COL6A5: variants seen among roughly 807,000 people sequenced by gnomAD.
COL6A5 encodes the protein collagen alpha-5(VI) chain.
A neutral mutation model predicts 65.6 loss-of-function variants in COL6A5; 48 were observed. The ratio of observed to expected loss-of-function variants is 0.73; its 90% CI spans 0.58 to 0.93. The LOEUF is 0.93. COL6A5 is among the 40% of genes least tolerant of loss of function. The pLI is 0.00. For missense variants in COL6A5, 914 were observed against 928.3 expected, an observed-to-expected ratio of 0.98 and a Z score of 0.20; for synonymous variants, 291 against 322.8, an observed-to-expected ratio of 0.90 and a Z score of 1.05.
intron 1 of COL6A5, among the ~76,000 whole-genome samples, chr3:130,366,684 T>C (rs1208718386): frequency 6.6e-6 from 1 of 152,252 alleles, no homozygotes; most frequent in Non-Finnish European, 1.5e-5. Flanking sequence ...TAAATTATAC[T>C]CTGAAGTGCT....
At chr3:130,360,299 T>G (rs1297261985) in intron 1 of COL6A5, among the ~76,000 whole-genome samples, 2 of 152,078 alleles carry the variant, frequency 1.3e-5, no homozygotes, top group Non-Finnish European at 2.9e-5. Context: ...TTTTAATAAT[T>G]TTGCTATTAA....
At chr3:130,356,725 A>G (rs1934937458) in intron 1 of COL6A5, among the ~76,000 whole-genome samples, 1 of 152,190 alleles carries the variant, frequency 6.6e-6, no homozygotes, top group Admixed American at 6.5e-5. Context: ...ATCAAAATGG[A>G]AAATCTCTTG....
chr3:130,415,872 G>A (rs923797777), intron 23 of COL6A5, among the ~76,000 whole-genome samples, 165 bp downstream of exon 23: 2 of 152,158 alleles, frequency 1.3e-5, no homozygotes, highest in African/African-American at 4.8e-5. Flanking sequence ...CTCATACGTA[G>A]CTAAAGCACT....
intron 1 of COL6A5, among the ~76,000 whole-genome samples, chr3:130,361,983 TC>T (rs1559857626): frequency 6.6e-6 from 1 of 152,022 alleles, no homozygotes; most frequent in African/African-American, 2.4e-5. Context: ...TTGCAAACCT[TC>T]CCCTGCCTAC....
intron 2 of COL6A5, among the ~76,000 whole-genome samples, chr3:130,373,989 T>G (rs1935665049): frequency 6.6e-6 from 1 of 152,206 alleles, no homozygotes; most frequent in Non-Finnish European, 1.5e-5. Context: ...CATTTGTTTA[T>G]AGATCCATTT....
At chr3:130,387,488 A>T (rs1469563424) in intron 5 of COL6A5, among the ~76,000 whole-genome samples, 1 of 152,070 alleles carries the variant, frequency 6.6e-6, no homozygotes, top group African/African-American at 2.4e-5. Context: ...GGTCAAGGCC[A>T]CTCTGTCAAG....
chr3:130,440,483 T>C (rs1559905018), exon 3 of COL6A5: 2 of 1,613,738 alleles, frequency 1.2e-6, no homozygotes, highest in Non-Finnish European at 1.7e-6. Flanking sequence ...CCAGACTTCC[T>C]TCCAACAGCT....
At chr3:130,445,884 G>A (rs975600260) in intron 4 of COL6A5, among the ~76,000 whole-genome samples, 1 of 152,104 alleles carries the variant, frequency 6.6e-6, no homozygotes, top group Non-Finnish European at 1.5e-5. Flanking sequence ...TAATATTACT[G>A]CATGTGAGTT....
exon 8 of COL6A5, chr3:130,484,061 G>T: frequency 6.2e-7 from 1 of 1,606,696 alleles, no homozygotes; most frequent in South Asian, 1.1e-5. Flanking sequence ...GTCATCATAG[G>T]AGAAAAGAAG....
chr3:130,455,672 A>G lies in COL6A5; in HGVS notation c.1544+6A>G. On this transcript the variant is annotated splice_donor_region_variant and intron_variant, in intron 5 of 7. Coordinates refer to ENST00000512836, the Ensembl canonical transcript of COL6A5. ...AATTGCAAGTCTCACTTCTGGTAAGAAAATGAAAAGTCATGATGGAAATGT... is the reference window on the plus strand; with the variant it reads ...AATTGCAAGTCTCACTTCTGGTAAGGAAATGAAAAGTCATGATGGAAATGT... The G allele has an allele frequency of 1.9e-6, 3 of 1,595,054 alleles. No individual in the cohort carries two copies. The highest frequency in any genetic ancestry group is 2.6e-6 in the Non-Finnish European group (3 of 1,163,772).
intron 7 of COL6A5, chr3:130,477,061 T>C (rs549762306): frequency 6.6e-7 from 1 of 1,510,424 alleles, no homozygotes; most frequent in Non-Finnish European, 8.9e-7. Flanking sequence ...GCTACAGACA[T>C]CTGAAGCATC....
intron 10 of COL6A5, among the ~76,000 whole-genome samples, chr3:130,400,024 A>AGT (rs1936763351): frequency 6.6e-6 from 1 of 152,020 alleles, no homozygotes; most frequent in Non-Finnish European, 1.5e-5. Flanking sequence ...CGGCCTCCCA[A>AGT]AGTGCTGGGA....
intron 1 of COL6A5, among the ~76,000 whole-genome samples, chr3:130,350,042 G>A (rs1445134041): frequency 1.3e-5 from 2 of 152,148 alleles, no homozygotes; most frequent in Non-Finnish European, 2.9e-5. Context: ...TTTCCTGCTG[G>A]GTAATCCATC....
At chr3:130,350,759 C>T (rs1396209894) in intron 1 of COL6A5, among the ~76,000 whole-genome samples, 4 of 152,080 alleles carry the variant, frequency 2.6e-5, no homozygotes, top group Non-Finnish European at 4.4e-5. Flanking sequence ...AGATTCTATG[C>T]CATCCCCATC....
At chr3:130,440,311 C>T in exon 3 of COL6A5, 3 of 1,613,324 alleles carry the variant, frequency 1.9e-6, no homozygotes, top group Non-Finnish European at 1.7e-6. Flanking sequence ...CAGTGATTGA[C>T]AACTTCAACA....
intron 7 of COL6A5, among the ~76,000 whole-genome samples, chr3:130,475,774 G>A (rs1710077197): frequency 6.6e-6 from 1 of 152,102 alleles, no homozygotes; most frequent in Non-Finnish European, 1.5e-5. Flanking sequence ...AAAGTGGTGA[G>A]CACCAGACAC....
chr3:130,479,029 AT>A, intron 7 of COL6A5, among the ~76,000 whole-genome samples: 1 of 152,156 alleles, frequency 6.6e-6, no homozygotes, highest in South Asian at 2.1e-4. Flanking sequence ...ATATTGATGA[AT>A]AATGCTATGG....
In COL6A5 at chr3:130,409,309, C is replaced by T. The variant is rs1272488423; in HGVS notation, c.4480-17C>T. The T allele has an allele frequency of 5.2e-6, 8 of 1,533,448 alleles. No homozygotes were observed. Among genetic ancestry groups the T allele is most frequent in the East Asian group, 2.5e-5 (1 of 40,650 alleles). The allele number at this position is 1,533,448 out of a possible 1,614,324, so 95.0% of individuals were successfully genotyped here. ...CCTCCTACAAGCTAACTCAGAAATT[C>T]ATTTCATTTTTTTCAGGGCAGCCCA... On this transcript the variant is annotated splice_polypyrimidine_tract_variant and intron_variant and NMD_transcript_variant, in intron 17 of 41. Transcript: ENST00000312481.
At chr3:130,436,224 A>G (rs1709031624) in intron 1 of COL6A5, among the ~76,000 whole-genome samples, 1 of 151,010 alleles carries the variant, frequency 6.6e-6, no homozygotes, top group Admixed American at 6.6e-5. Context: ...CCCCTATTTT[A>G]TTACTTTTAA....
Sources: gnomAD v4.1 joint callset for allele counts (sites outside exome capture counted in the v4.1 genomes callset) on GRCh38, gnomAD v4.1.1 for gene constraint, MANE v1.5 for transcripts, NCBI Gene and HGNC (gene_info 2026-07-23, HGNC 2026-07-21) for gene names.